The following CPEB3 variants were observed in gnomAD, a reference collection of about 807,000 sequenced individuals.
The protein encoded by CPEB3 is cytoplasmic polyadenylation element-binding protein 3.
Under a neutral mutation model 67.2 loss-of-function variants are expected in CPEB3, and 20 were observed. That is an observed-to-expected ratio of 0.30 (90% CI 0.21 to 0.43). The LOEUF (loss-of-function observed/expected upper bound fraction) is 0.43, where lower values mean the gene tolerates loss of function less well. CPEB3 is among the 20% of genes least tolerant of loss of function. The probability of loss-of-function intolerance (pLI) is 1.00; values close to 1 mark genes in which losing one functional copy is unlikely to be tolerated. For synonymous variants in CPEB3, 376 were observed against 393.1 expected, an observed-to-expected ratio of 0.96 and a Z score of 0.51; for missense variants, 746 against 968.6, an observed-to-expected ratio of 0.77 and a Z score of 3.05.
intron 4 of CPEB3, among the ~76,000 whole-genome samples, chr10:92,168,475 T>C (rs1469266125): frequency 6.6e-6 from 1 of 152,198 alleles, no homozygotes; most frequent in Admixed American, 6.5e-5. Context: ...AAATAGCTGA[T>C]ATGGTTTGAC....
Position 92,240,296 on chromosome 10 carries a change from G to A in CPEB3, c.55C>T (p.Gln19Ter). 6.6e-7 allele frequency: 1 copy of A among 1,516,426 alleles called. No individual in the cohort carries two copies. 93.9% of individuals were successfully genotyped at this position (1,516,426 alleles called of 1,614,324 possible). The change falls in exon 2 of 10, where the codon CAG becomes TAG. Residue 19 changes from glutamine (Q) to a stop codon, truncating the protein, a stop_gained. Transcript: ENST00000265997. LOFTEE classifies it high-confidence loss of function. ...KSKTQPQPQQ[Q>*]QRQQQQPQPE... ...TGGGGCTGCTGCTGCTGCCGCTGCT[G>A]CTGCTGGGGCTGGGGCTGGGTTTTG...
At chr10:92,195,024 A>G (rs1849167581) in intron 2 of CPEB3, among the ~76,000 whole-genome samples, 2 of 150,110 alleles carry the variant, frequency 1.3e-5, no homozygotes, top group African/African-American at 4.9e-5. Flanking sequence ...AGCCTGGGCG[A>G]CAGAGCGAGA....
intron 3 of CPEB3, 70 bp downstream of exon 3, chr10:92,192,407 T>G: frequency 7.1e-7 from 1 of 1,413,952 alleles, no homozygotes; most frequent in Non-Finnish European, 9.6e-7. Context: ...ACCAGAAAAA[T>G]CAAAATTATT....
intron 1 of CPEB3, among the ~76,000 whole-genome samples, chr10:92,276,821 C>T (rs898370063): frequency 6.6e-6 from 1 of 152,120 alleles, no homozygotes; most frequent in Non-Finnish European, 1.5e-5. Context: ...CATGAGGGTT[C>T]CAATTTCTTC....
At chr10:92,268,221 AT>A (rs1007530794) in intron 1 of CPEB3, among the ~76,000 whole-genome samples, 4 of 152,020 alleles carry the variant, frequency 2.6e-5, no homozygotes, top group African/African-American at 7.2e-5. Context: ...TTTGACAGAT[AT>A]TTTTTCCTCT....
intron 9 of CPEB3, among the ~76,000 whole-genome samples, chr10:92,070,722 A>G (rs1172989708): frequency 6.6e-6 from 1 of 152,072 alleles, no homozygotes; most frequent in African/African-American, 2.4e-5. Flanking sequence ...GATTGCAGTG[A>G]GCCAAGATTG....
chr10:92,088,242 T>TC (rs1238020203), intron 8 of CPEB3, among the ~76,000 whole-genome samples: 1 of 150,914 alleles, frequency 6.6e-6, no homozygotes, highest in Non-Finnish European at 1.5e-5. Flanking sequence ...TTTTTTTTTT[T>TC]TTTGAGATAA....
chr10:92,255,013 G>T (rs1182600258), intron 1 of CPEB3, among the ~76,000 whole-genome samples: 1 of 151,870 alleles, frequency 6.6e-6, no homozygotes, highest in Non-Finnish European at 1.5e-5. Flanking sequence ...CAGTTCTCTT[G>T]TCTGTAACTC....
At chr10:92,208,797 G>A (rs546270946) in intron 2 of CPEB3, among the ~76,000 whole-genome samples, 16 of 152,114 alleles carry the variant, frequency 1.1e-4, no homozygotes, top group East Asian at 1.9e-4. Context: ...GTTTCACCAC[G>A]TTGGCCAGGC....
intron 7 of CPEB3, among the ~76,000 whole-genome samples, chr10:92,097,308 T>C (rs769582917): frequency 6.6e-6 from 1 of 152,256 alleles, no homozygotes; most frequent in Non-Finnish European, 1.5e-5. Context: ...ACCAGATCTA[T>C]GCCATGGGCC....
chr10:92,134,794 T>G lies in CPEB3; in HGVS notation c.1453+8235A>C, dbSNP rs548696711. On this transcript the variant is annotated intron_variant, in intron 6 of 9. Transcript: ENST00000265997. ...CAAGGCTACAGTAACCAAAACAGCA[T>G]GGTACTGGGACCAAAACAGATATAT... Among the ~76,000 whole-genome samples the G allele has an allele frequency of 3.3e-5, 5 of 152,040 alleles. No individual in the cohort carries two copies. In the South Asian group the frequency reaches 8.3e-4, roughly 25 times the overall value.
Position 92,091,328 on chromosome 10 carries a change from T to A in CPEB3, c.1687+502A>T, listed in dbSNP as rs574289714. 4.3e-3 allele frequency among the ~76,000 whole-genome samples: 660 copies of A among 152,320 alleles called. 6 individuals are homozygous for A. The highest frequency in any genetic ancestry group is 7.6e-3 in the Non-Finnish European group (518 of 68,030). Reference sequence around the variant, plus strand: ...AATAGTGGTTATTAGGAGGCTGATGTACAGCTGATTGGATTTGTCTTTGGA... The same window carrying A: ...AATAGTGGTTATTAGGAGGCTGATGAACAGCTGATTGGATTTGTCTTTGGA... On this transcript the variant is annotated intron_variant, in intron 8 of 9. Transcript: ENST00000265997.
intron 2 of CPEB3, among the ~76,000 whole-genome samples, chr10:92,215,967 C>A (rs1333770275): frequency 2.0e-5 from 3 of 148,786 alleles, no homozygotes; most frequent in Non-Finnish European, 4.5e-5. Context: ...CCAGGATGGT[C>A]TCCATCTCCT....
intron 2 of CPEB3, chr10:92,216,407 G>T: frequency 6.2e-7 from 1 of 1,612,326 alleles, no homozygotes; most frequent in Non-Finnish European, 8.5e-7. Context: ...CACCTACCAG[G>T]AGCTGCTGGT....
At chr10:92,277,156 TTATC>T (rs1477174878) in intron 1 of CPEB3, among the ~76,000 whole-genome samples, 2 of 152,212 alleles carry the variant, frequency 1.3e-5, no homozygotes, top group African/African-American at 4.8e-5. Flanking sequence ...TAAGTCCAAT[TTATC>T]TATTCTTTCT....
rs71484283 is a variant in CPEB3 at position 92,163,421 on chromosome 10, C to CA, written c.1222+17541dup. On this transcript the variant is annotated intron_variant, in intron 4 of 9. Transcript: ENST00000265997. ...TGCACCCCAGCCTGGGCAACAAGAG[C>CA]AAAAAAAAAAAATTACTTTCCTTGT... Among the ~76,000 whole-genome samples, 706 of 142,640 alleles carry CA rather than the reference C, an allele frequency of 4.9e-3. 8 individuals carry two copies. The highest frequency in any genetic ancestry group is 0.015 in the African/African-American group (599 of 38,884). 93.6% of individuals were successfully genotyped at this position (142,640 alleles called of 152,430 possible).
chr10:92,139,136 G>T (rs930864532), intron 6 of CPEB3, among the ~76,000 whole-genome samples: 7 of 152,008 alleles, frequency 4.6e-5, no homozygotes, highest in Non-Finnish European at 1.0e-4. Context: ...AATTAGCCAG[G>T]CATGATGGCA....
chr10:92,147,838 T>C (rs1846760824), intron 4 of CPEB3, among the ~76,000 whole-genome samples: 1 of 152,120 alleles, frequency 6.6e-6, no homozygotes, highest in Non-Finnish European at 1.5e-5. Context: ...AAAACAGCTC[T>C]TGATCTTTCC....
intron 7 of CPEB3, among the ~76,000 whole-genome samples, chr10:92,098,522 T>C (rs1206746593): frequency 6.6e-6 from 1 of 152,154 alleles, no homozygotes; most frequent in Non-Finnish European, 1.5e-5. Context: ...TTGGTCGGGA[T>C]GGTCTCAAAA....
Sources: allele counts gnomAD v4.1 joint callset (sites outside exome capture counted in the v4.1 genomes callset), GRCh38; gene constraint gnomAD v4.1.1; transcripts MANE v1.5; gene names NCBI Gene and HGNC (gene_info 2026-07-23, HGNC 2026-07-21).